PCDH15: variants seen among roughly 807,000 people sequenced by gnomAD.
PCDH15 encodes protocadherin-15.
A neutral mutation model predicts 178.5 loss-of-function variants in PCDH15; 129 were observed. That is an observed-to-expected ratio of 0.72 (90% CI 0.63 to 0.84). The LOEUF is 0.84. Ranked by LOEUF, PCDH15 falls within the 40% of genes least tolerant of loss-of-function variation. The pLI, the probability that PCDH15 is intolerant of heterozygous loss-of-function variation, is 0.00. For missense variants in PCDH15, 2,230 were observed against 2,099.9 expected (o/e 1.06, Z -1.21); for synonymous variants, 800 against 732.0 (o/e 1.09, Z -1.50).
intron 1 of PCDH15, among the ~76,000 whole-genome samples, chr10:55,255,645 C>G (rs982510042): frequency 6.6e-6 from 1 of 152,128 alleles, no homozygotes; most frequent in Non-Finnish European, 1.5e-5. Context: ...GATCGCCATT[C>G]TAACTGGTGT....
At chr10:54,795,404 T>A (rs1259992926) in intron 1 of PCDH15, among the ~76,000 whole-genome samples, 2 of 151,968 alleles carry the variant, frequency 1.3e-5, no homozygotes, top group South Asian at 4.1e-4. Context: ...TAGGGAGATA[T>A]CTTTTCTAGT....
At chr10:55,007,029 T>C (rs1839945394) in intron 2 of PCDH15, among the ~76,000 whole-genome samples, 2 of 152,066 alleles carry the variant, frequency 1.3e-5, no homozygotes, top group African/African-American at 2.4e-5. Context: ...CCCACAAGCA[T>C]CTCTCTCTAT....
intron 2 of PCDH15, among the ~76,000 whole-genome samples, chr10:54,957,044 A>G (rs1375935819): frequency 2.6e-5 from 4 of 151,646 alleles, no homozygotes; most frequent in African/African-American, 7.2e-5. Flanking sequence ...GAGTTATAAG[A>G]CTGCTATTTG....
intron 3 of PCDH15, among the ~76,000 whole-genome samples, chr10:54,464,104 G>T (rs997951556): frequency 6.6e-6 from 1 of 152,138 alleles, no homozygotes; most frequent in East Asian, 1.9e-4. Context: ...CACAGCCAGG[G>T]CTCTGTTGCA....
intron 15 of PCDH15, among the ~76,000 whole-genome samples, chr10:54,127,104 A>C (rs928770270): frequency 1.3e-5 from 2 of 152,174 alleles, no homozygotes; most frequent in African/African-American, 4.8e-5. Flanking sequence ...AGTAGCAGCC[A>C]AAAACAAAAA....
At chr10:54,011,490 A>G (rs889662018) in intron 20 of PCDH15, among the ~76,000 whole-genome samples, 5 of 152,174 alleles carry the variant, frequency 3.3e-5, no homozygotes, top group African/African-American at 1.2e-4. Flanking sequence ...CCCCAGAGCT[A>G]CAATGTGTAG....
chr10:54,827,882 G>A (rs1277655962), intron 3 of PCDH15, among the ~76,000 whole-genome samples: 1 of 151,974 alleles, frequency 6.6e-6, no homozygotes, highest in East Asian at 1.9e-4. Flanking sequence ...GATGAAATAA[G>A]TTTTTATATG....
At chr10:55,030,263 C>T (rs756827278) in intron 2 of PCDH15, among the ~76,000 whole-genome samples, 9 of 152,160 alleles carry the variant, frequency 5.9e-5, no homozygotes, top group Non-Finnish European at 1.3e-4. Context: ...CAGCCATTAT[C>T]ATCATGTGTG....
intron 25 of PCDH15, among the ~76,000 whole-genome samples, chr10:53,926,143 C>G (rs1464000508): frequency 6.6e-6 from 1 of 152,186 alleles, no homozygotes; most frequent in Non-Finnish European, 1.5e-5. Context: ...TTTTCCTCCT[C>G]TCACTGGCCC....
chr10:54,666,872 T>C (rs906003890), intron 1 of PCDH15, among the ~76,000 whole-genome samples: 25 of 152,030 alleles, frequency 1.6e-4, no homozygotes, highest in African/African-American at 5.3e-4. Context: ...GCATATTCTT[T>C]TATTCCTAAC....
At chr10:54,718,622 A>T (rs993895874) in intron 1 of PCDH15, among the ~76,000 whole-genome samples, 2 of 151,758 alleles carry the variant, frequency 1.3e-5, no homozygotes, top group Admixed American at 6.6e-5. Flanking sequence ...AAAGAACCAG[A>T]GAAACAACTA....
At chr10:55,282,809 A>G (rs1351081697) in intron 1 of PCDH15, among the ~76,000 whole-genome samples, 1 of 152,200 alleles carries the variant, frequency 6.6e-6, no homozygotes, top group Non-Finnish European at 1.5e-5. Context: ...TAGATTTGAA[A>G]TCACCTTTGC....
chr10:54,233,010 A>G (rs1485238795), intron 9 of PCDH15, among the ~76,000 whole-genome samples: 2 of 146,006 alleles, frequency 1.4e-5, no homozygotes, highest in Non-Finnish European at 3.0e-5. Context: ...ATCGTAGCTC[A>G]CTGCAGCCCT....
chr10:54,664,856 T>G (rs535250993), intron 1 of PCDH15, among the ~76,000 whole-genome samples: 38 of 151,682 alleles, frequency 2.5e-4, no homozygotes, highest in African/African-American at 8.5e-4. Flanking sequence ...TATGAAGCAT[T>G]TGGATGCATT....
intron 27 of PCDH15, among the ~76,000 whole-genome samples, chr10:53,861,866 T>A (rs1225291128): frequency 2.0e-5 from 3 of 152,062 alleles, no homozygotes; most frequent in Admixed American, 2.0e-4. Flanking sequence ...CTGCTTGAAC[T>A]GTCTTTCCTA....
chr10:54,566,526 C>G (rs2089060479), intron 2 of PCDH15, among the ~76,000 whole-genome samples: 1 of 152,140 alleles, frequency 6.6e-6, no homozygotes, highest in Non-Finnish European at 1.5e-5. Flanking sequence ...CTGACAATCA[C>G]TGGTGTTTTC....
chr10:54,378,565 C>T (rs954052452), intron 4 of PCDH15, among the ~76,000 whole-genome samples: 2 of 152,080 alleles, frequency 1.3e-5, no homozygotes, highest in Non-Finnish European at 2.9e-5. Flanking sequence ...AATTGACAAG[C>T]TTCCAGGATA....
chr10:54,159,182 C>G (rs1465025983), intron 13 of PCDH15, among the ~76,000 whole-genome samples: 1 of 151,736 alleles, frequency 6.6e-6, no homozygotes, highest in Non-Finnish European at 1.5e-5. Flanking sequence ...GTTTTTGCCT[C>G]TTGGGCATCC....
intron 2 of PCDH15, among the ~76,000 whole-genome samples, chr10:54,961,671 A>G (rs1838658837): frequency 1.3e-5 from 2 of 152,030 alleles, no homozygotes; most frequent in African/African-American, 2.4e-5. Context: ...TTCCTCTACA[A>G]TCTTCCAGAC....
Sources: gnomAD v4.1 joint callset for allele counts (sites outside exome capture counted in the v4.1 genomes callset) on GRCh38, gnomAD v4.1.1 for gene constraint, MANE v1.5 for transcripts, NCBI Gene and HGNC (gene_info 2026-07-23, HGNC 2026-07-21) for gene names.